PTPN18: variants seen among roughly 807,000 people sequenced by gnomAD.
PTPN18 encodes protein tyrosine phosphatase non-receptor type 18.
Under a neutral mutation model 65.4 loss-of-function variants are expected in PTPN18, and 65 were observed. The ratio of observed to expected loss-of-function variants is 0.99; its 90% CI spans 0.81 to 1.22. PTPN18 has a LOEUF of 1.22. Among genes scored for constraint, PTPN18 ranks in the 50% most tolerant of loss-of-function variants. The pLI is 0.00. For synonymous variants in PTPN18, 255 were observed against 267.8 expected (o/e 0.95, Z 0.47); for missense variants, 616 against 646.5 (o/e 0.95, Z 0.51).
In PTPN18 at chr2:130,371,186, T is replaced by G; in HGVS notation, c.925-13T>G. ...TTCCTCCCTCAGGAGCCTCCCCTCC[T>G]GTTTTTCTTCAGAATTGTGCCCCAC... On this transcript the variant is annotated splice_polypyrimidine_tract_variant and intron_variant, in intron 11 of 14. Transcript: ENST00000175756. The G allele has an allele frequency of 6.3e-7, 1 of 1,591,160 alleles. No individual in the cohort carries two copies. Among genetic ancestry groups the G allele is most frequent in the Non-Finnish European group, 8.6e-7 (1 of 1,161,776 alleles).
chr2:130,358,879 T>A lies in PTPN18; in HGVS notation c.106T>A (p.Cys36Ser). 6.2e-7 allele frequency: 1 copy of A among 1,613,312 alleles called. No individual in the cohort carries two copies. Among genetic ancestry groups the A allele is most frequent in the Non-Finnish European group, 8.5e-7 (1 of 1,179,438 alleles). ...AATGCTCTACCAGGACATCCAGGCC[T>A]GCTCGGCCGCCTGGAAGGCTGACGG... ...LAGEFSDIQA[C>S]SAAWKADGVC... The change falls in exon 2 of 15, where the codon TGC (cysteine) becomes AGC (serine). Residue 36 changes from cysteine to serine, a missense_variant. Cys to Ser is a moderately radical substitution (Grantham distance 112). Transcript: ENST00000175756.
At chr2:130,371,996 T>C (rs1680578962) in intron 12 of PTPN18, 3 of 462,748 alleles carry the variant, frequency 6.5e-6, no homozygotes, top group Non-Finnish European at 7.7e-6. Flanking sequence ...TCAGTAGACG[T>C]TGACACAGAA....
chr2:130,357,253 G>A lies in PTPN18; in HGVS notation c.93+1053G>A, dbSNP rs143524320. ...CAAAAAATCTAAACGTTACAATACAGGTAGTGCAAGCCCAGCATTAGGAAG... is the reference window on the plus strand; with the variant it reads ...CAAAAAATCTAAACGTTACAATACAAGTAGTGCAAGCCCAGCATTAGGAAG... On this transcript the variant is annotated intron_variant, in intron 1 of 14. Transcript: ENST00000175756. Among the ~76,000 whole-genome samples, 799 of 152,254 alleles carry A rather than the reference G, an allele frequency of 5.2e-3. 10 individuals carry two copies. The highest frequency in any genetic ancestry group is 0.018 in the African/African-American group (753 of 41,530).
At chr2:130,362,410 T>C (rs1680245434) in intron 5 of PTPN18, 1 of 253,974 alleles carries the variant, frequency 3.9e-6, no homozygotes, top group Admixed American at 5.3e-5. Flanking sequence ...TCTTTTCTTC[T>C]TTTTTTCTCT....
Position 130,371,216 on chromosome 2 carries a change from C to G in PTPN18, c.942C>G (p.Tyr314Ter). The G allele has an allele frequency of 6.2e-7, 1 of 1,610,188 alleles. No homozygotes were observed. Among genetic ancestry groups the G allele is most frequent in the Admixed American group, 1.7e-5 (1 of 59,978 alleles). ...QNIKENCAPL[Y>*]DDALFLRTPQ... The stretch of plus-strand genomic sequence containing the variant: ...TTCTTCAGAATTGTGCCCCACTCTA[C>G]GACGATGCCCTCTTCCTCCGGACTC... Residue 314 changes from tyrosine (Y) to a stop codon, truncating the protein, a stop_gained, in exon 12 of 15, where the codon TAC (tyrosine) becomes TAG (stop). Transcript: ENST00000175756. LOFTEE classifies it high-confidence loss of function.
chr2:130,356,910 G>C (rs1004656885), intron 1 of PTPN18, among the ~76,000 whole-genome samples: 2 of 152,224 alleles, frequency 1.3e-5, no homozygotes, highest in African/African-American at 4.8e-5. Flanking sequence ...CTAAACGTGG[G>C]CCAGGTGCGG....
Position 130,356,162 on chromosome 2 carries a change from G to C in PTPN18, c.55G>C (p.Gly19Arg). ...RSFLERLEARGGREGAVLAGE... is the reference protein window; with the variant it reads ...RSFLERLEARRGREGAVLAGE... The stretch of plus-strand genomic sequence containing the variant: ...CTTCCTGGAGCGGCTGGAAGCGCGG[G>C]GCGGCCGGGAGGGGGCAGTCCTCGC... The change falls in exon 1 of 15, where the codon GGC (glycine) becomes CGC (arginine). Residue 19 changes from glycine to arginine, a missense_variant. Physicochemically the swap from Gly to Arg is moderately radical, Grantham distance 125 (BLOSUM62 -2). Transcript: ENST00000175756. 1 of 1,314,520 alleles carries C rather than the reference G, an allele frequency of 7.6e-7. No homozygotes were observed. Among genetic ancestry groups the C allele is most frequent in the Non-Finnish European group, 9.6e-7 (1 of 1,036,566 alleles). The allele number at this position is 1,314,520 out of a possible 1,614,324, so 81.4% of individuals were successfully genotyped here. A position where few individuals can be genotyped will look rare whatever the true frequency, so the allele number is the denominator to read the frequency against.
At chr2:130,358,785 G>A (rs1680079036) in intron 1 of PTPN18, 82 bp from the exon 2 acceptor site, 3 of 1,123,058 alleles carry the variant, frequency 2.7e-6, no homozygotes, top group Non-Finnish European at 4.0e-6. Context: ...TATCCTGCAA[G>A]CGTGCCTAGG....
chr2:130,372,549 G>A, intron 13 of PTPN18, 66 bp downstream of exon 13: 1 of 1,410,316 alleles, frequency 7.1e-7, no homozygotes, highest in Non-Finnish European at 9.2e-7. Context: ...GAACCATCCT[G>A]CAGTGGTCCG....
chr2:130,362,830 T>C (rs1189814141), intron 5 of PTPN18, among the ~76,000 whole-genome samples: 1 of 152,094 alleles, frequency 6.6e-6, no homozygotes, highest in African/African-American at 2.4e-5. Flanking sequence ...GTTTTTGTTT[T>C]TGTTTTTGAG....
At chr2:130,361,512 C>CTCTTTCTTTCTTTCTTTCTCTTTCTT in intron 5 of PTPN18, among the ~76,000 whole-genome samples, 2 of 122,938 alleles carry the variant, frequency 1.6e-5, no homozygotes, top group African/African-American at 7.0e-5. Context: ...TCTTTTCTTT[C>CTCTTTCTTTCTTTCTTTCTCTTTCTT]TCTTTCTTTC....
At chr2:130,367,341 G>A (rs1680418369) in intron 5 of PTPN18, among the ~76,000 whole-genome samples, 1 of 152,024 alleles carries the variant, frequency 6.6e-6, no homozygotes, top group Non-Finnish European at 1.5e-5. Context: ...TTGTTCCTCA[G>A]TATGTGATGT....
chr2:130,361,516 T>TTCTTTCTTTCTTTCTTTCTTTC (rs1558842056), intron 5 of PTPN18, among the ~76,000 whole-genome samples: 118 of 18,630 alleles, frequency 6.3e-3, no homozygotes, highest in African/African-American at 0.014. Flanking sequence ...TTCTTTCTCT[T>TTCTTTCTTTCTTTCTTTCTTTC]TCTTTCTTTC....
rs780994161 is a variant in PTPN18, at chr2:130,372,976, G to A, written c.1315+29G>A. 1.4e-5 allele frequency: 22 copies of A among 1,613,276 alleles called. No individual in the cohort carries two copies. The South Asian group carries it at 2.2e-4, about 16-fold the overall frequency. ...AGTCAGGTAGAGCCTGGGTTGCTGG[G>A]ACTTTGCTGCTTTGAGTGAACCCAG... On this transcript the variant is annotated intron_variant, in intron 14 of 14. Transcript: ENST00000175756.
chr2:130,361,105 A>T lies in PTPN18; in HGVS notation c.414+1459A>T, dbSNP rs557148440. On this transcript the variant is annotated intron_variant, in intron 5 of 14. Transcript: ENST00000175756. ...AATTAGGTCAACTGACAGACTTTTT[A>T]AAAAGACACTTTTATATCTTTACTG... is the stretch of plus-strand genomic sequence containing the variant. Among the ~76,000 whole-genome samples the T allele has an allele frequency of 2.4e-4, 37 of 152,266 alleles. 2 individuals are homozygous for T. The highest frequency in any genetic ancestry group is 8.4e-4 in the African/African-American group (35 of 41,518).
At chr2:130,362,223 G>T in intron 5 of PTPN18, 1 of 463,788 alleles carries the variant, frequency 2.2e-6, no homozygotes. Flanking sequence ...TTCCACCTCG[G>T]CCTCCCAAAG....
Position 130,356,187 on chromosome 2 carries a change from C to A in PTPN18, c.80C>A (p.Ala27Asp). Reference sequence around the variant, plus strand: ...GGCGGCCGGGAGGGGGCAGTCCTCGCCGGCGAGTTCAGCGTGAGTGGCACA... The same window carrying A: ...GGCGGCCGGGAGGGGGCAGTCCTCGACGGCGAGTTCAGCGTGAGTGGCACA... ...ARGGREGAVL[A>D]GEFSDIQACS... Residue 27 changes from alanine (A) to aspartate (D), a missense_variant, in exon 1 of 15, where the codon GCC becomes GAC. Around this residue, in one of 3 missense-constraint regions of PTPN18, gnomAD observed 223 missense variants for 210.0 expected, o/e 1.06. Transcript: ENST00000175756. 1 of 1,315,408 alleles carries A rather than the reference C, an allele frequency of 7.6e-7. No homozygotes were observed. Among genetic ancestry groups the A allele is most frequent in the Non-Finnish European group, 9.7e-7 (1 of 1,035,334 alleles). The allele number at this position is 1,315,408 out of a possible 1,614,324, so 81.5% of individuals were successfully genotyped here. A position where few individuals can be genotyped will look rare whatever the true frequency, so the allele number is the denominator to read the frequency against.
intron 5 of PTPN18, among the ~76,000 whole-genome samples, chr2:130,368,283 A>C (rs1680450055): frequency 6.6e-6 from 1 of 152,130 alleles, no homozygotes; most frequent in Admixed American, 6.5e-5. Flanking sequence ...ATTTTATTGG[A>C]TGCTTGATAT....
At position 130,370,260 on chromosome 2, in the gene PTPN18, A is replaced by G. The variant is rs1023017356; in HGVS notation, c.689+70A>G. On this transcript the variant is annotated intron_variant, in intron 8 of 14. Transcript: ENST00000175756. ...CAGAGCATGGAGGGGAGTACAGGGC[A>G]TGGGGCTAGTCTTGTAGTCTGAGTG... 2.5e-6 allele frequency: 4 copies of G among 1,589,778 alleles called. No individual in the cohort carries two copies. In the Admixed American group the frequency reaches 5.0e-5, roughly 20 times the overall value.
Sources: gnomAD v4.1 joint callset for allele counts (sites outside exome capture counted in the v4.1 genomes callset) on GRCh38, gnomAD v4.1.1 for gene constraint, gnomAD v4.1.1 regional missense constraint, MANE v1.5 for transcripts, NCBI Gene and HGNC (gene_info 2026-07-23, HGNC 2026-07-21) for gene names.